Variants in FAM53B observed in about 807,000 individuals in gnomAD.
FAM53B encodes the protein protein FAM53B.
Under a neutral mutation model 32.7 loss-of-function variants are expected in FAM53B, and 12 were observed. The ratio of observed to expected loss-of-function variants is 0.37; its 90% CI spans 0.24 to 0.59. The LOEUF is 0.59. FAM53B is among the 20% of genes least tolerant of loss of function. The pLI is 0.72. For synonymous variants in FAM53B, 234 were observed against 228.7 expected (o/e 1.02, Z -0.21); for missense variants, 477 against 577.7 (o/e 0.83, Z 1.79).
intron 4 of FAM53B, among the ~76,000 whole-genome samples, chr10:124,670,933 G>A (rs1459782949): frequency 6.6e-6 from 1 of 152,182 alleles, no homozygotes; most frequent in Non-Finnish European, 1.5e-5. Context: ...CCAGGGCCTA[G>A]CTGAATGCCA....
At chr10:124,664,678 G>A (rs565511356) in intron 4 of FAM53B, among the ~76,000 whole-genome samples, 2 of 152,200 alleles carry the variant, frequency 1.3e-5, no homozygotes, top group South Asian at 2.1e-4. Context: ...CTCATGCTCA[G>A]TGGTTACCCC....
At chr10:124,716,233 C>T (rs946059317) in intron 1 of FAM53B, among the ~76,000 whole-genome samples, 9 of 152,144 alleles carry the variant, frequency 5.9e-5, no homozygotes, top group African/African-American at 1.9e-4. Context: ...AATCAAAGGC[C>T]ACCGAAGGCC....
intron 1 of FAM53B, among the ~76,000 whole-genome samples, chr10:124,716,843 C>T (rs1313909481): frequency 6.7e-6 from 1 of 150,206 alleles, no homozygotes; most frequent in Non-Finnish European, 1.5e-5. Context: ...GCCTTCTGCT[C>T]CAAACCGGGG....
chr10:124,653,443 G>A (rs1043335705), intron 4 of FAM53B, among the ~76,000 whole-genome samples: 2 of 152,216 alleles, frequency 1.3e-5, no homozygotes, highest in Non-Finnish European at 2.9e-5. Flanking sequence ...CCCAGGCACT[G>A]CCAGGGTCCC....
chr10:124,681,347 C>T (rs936651333), intron 4 of FAM53B, among the ~76,000 whole-genome samples: 22 of 152,298 alleles, frequency 1.4e-4, no homozygotes, highest in Non-Finnish European at 2.2e-4. Flanking sequence ...ACCAACACCC[C>T]GCCTCTCACC....
At chr10:124,694,607 C>T (rs1015818136) in intron 3 of FAM53B, among the ~76,000 whole-genome samples, 1 of 152,188 alleles carries the variant, frequency 6.6e-6, no homozygotes, top group African/African-American at 2.4e-5. Flanking sequence ...AGGGGCTGGG[C>T]ATGCCGGGGC....
At chr10:124,644,626 T>C (rs1480352984) in intron 4 of FAM53B, among the ~76,000 whole-genome samples, 1 of 152,106 alleles carries the variant, frequency 6.6e-6, no homozygotes, top group Admixed American at 6.5e-5. Flanking sequence ...ACTCAAAGGG[T>C]TTTGCCACTG....
intron 3 of FAM53B, among the ~76,000 whole-genome samples, chr10:124,691,594 T>A (rs1949832845): frequency 6.6e-6 from 1 of 152,212 alleles, no homozygotes; most frequent in African/African-American, 2.4e-5. Flanking sequence ...TTCTTACATA[T>A]GATGTGATTT....
chr10:124,708,391 A>G (rs1949975896), intron 1 of FAM53B, among the ~76,000 whole-genome samples: 1 of 152,232 alleles, frequency 6.6e-6, no homozygotes, highest in Non-Finnish European at 1.5e-5. Context: ...CAAAGTGCAA[A>G]AGCAGGGAAG....
In FAM53B at chr10:124,621,495, C is replaced by G. The variant is rs566215821; in HGVS notation, c.*1747G>C. On this transcript the variant is annotated 3_prime_UTR_variant, in exon 5 of 5. Transcript: ENST00000337318. The stretch of plus-strand genomic sequence containing the variant: ...CCCGGCTCTGGGACCTGCCCAGTGC[C>G]CGGCATACCCCATGTGTCAGCCACC... 1 of 152,324 alleles carries G rather than the reference C, an allele frequency of 6.6e-6. No homozygotes were observed. The highest frequency in any genetic ancestry group is 2.4e-5 in the African/African-American group (1 of 41,562). 9.4% of individuals were successfully genotyped at this position (152,324 alleles called of 1,614,324 possible).
chr10:124,736,273 T>C lies in FAM53B; in HGVS notation c.-175+7740A>G, dbSNP rs1950173710. Among the ~76,000 whole-genome samples, 3 of 152,262 alleles carry C rather than the reference T, an allele frequency of 2.0e-5. No homozygotes were observed. In the South Asian group the frequency reaches 6.2e-4, roughly 31 times the overall value. On this transcript the variant is annotated intron_variant, in intron 1 of 4. Coordinates refer to ENST00000337318, the MANE Select transcript of FAM53B (RefSeq NM_014661.4). ...AAGTAGGCAGTCTGTGCCCACTACC[T>C]TCCAGCCAGGAAACTGAATCGTTTG...
chr10:124,739,908 C>A (rs1033430888), intron 1 of FAM53B, among the ~76,000 whole-genome samples: 1 of 152,086 alleles, frequency 6.6e-6, no homozygotes, highest in Non-Finnish European at 1.5e-5. Context: ...GCTTTCAGAT[C>A]CACCCATCAG....
chr10:124,706,779 T>G lies in FAM53B; in HGVS notation c.-66A>C. 1 of 1,610,864 alleles carries G rather than the reference T, an allele frequency of 6.2e-7. No individual in the cohort carries two copies. The highest frequency in any genetic ancestry group is 1.1e-5 in the South Asian group (1 of 91,008). Reference sequence around the variant, plus strand: ...ATCAGCCATCTTCACTTGGGCAGACTTGGGGTGAGTACCTCCTGGGGAATT... The same window carrying G: ...ATCAGCCATCTTCACTTGGGCAGACGTGGGGTGAGTACCTCCTGGGGAATT... On this transcript the variant is annotated 5_prime_UTR_variant, in exon 2 of 5. Transcript: ENST00000337318.
chr10:124,744,074 C>T lies in FAM53B; in HGVS notation c.-236G>A, dbSNP rs1318766392. 6.8e-6 allele frequency: 1 copy of T among 147,272 alleles called. No homozygotes were observed. Among genetic ancestry groups the T allele is most frequent in the Admixed American group, 6.7e-5 (1 of 14,826 alleles). 9.1% of individuals were successfully genotyped at this position (147,272 alleles called of 1,614,324 possible). A position where few individuals can be genotyped will look rare whatever the true frequency, so the allele number is the denominator to read the frequency against. On this transcript the variant is annotated 5_prime_UTR_variant, in exon 1 of 5. Coordinates refer to ENST00000337318, the MANE Select transcript of FAM53B (RefSeq NM_014661.4). ...CCGTCACCGCCAGCGCTCGCCAAGT[C>T]GTCCGGGGTGCCCGCCGCGCGTCCG...
In FAM53B at chr10:124,706,639, T is replaced by C; in HGVS notation, c.75A>G (p.Glu25=). ...DSIACGTFSR[E]LHTPKKMSQG... is the part of the protein sequence containing the mutation. The stretch of plus-strand genomic sequence containing the variant: ...AGGAAGCCTGCCAGGTCCTCACCAG[T>C]TCACGGCTGAAGGTCCCACATGCAA... The change falls in exon 2 of 5, where the codon GAA becomes GAG. Residue 25 remains glutamate, a synonymous_variant. Coordinates refer to ENST00000337318, the MANE Select transcript of FAM53B (RefSeq NM_014661.4). 2 of 1,614,210 alleles carry C rather than the reference T, an allele frequency of 1.2e-6. No individual in the cohort carries two copies. The highest frequency in any genetic ancestry group is 1.7e-6 in the Non-Finnish European group (2 of 1,180,038).
intron 4 of FAM53B, among the ~76,000 whole-genome samples, chr10:124,681,157 G>T (rs1046566202): frequency 6.6e-6 from 1 of 152,136 alleles, no homozygotes; most frequent in Non-Finnish European, 1.5e-5. Flanking sequence ...CCCCCCAATC[G>T]CTAGCTCTTG....
At chr10:124,734,740 C>T (rs1469361655) in intron 1 of FAM53B, among the ~76,000 whole-genome samples, 1 of 152,170 alleles carries the variant, frequency 6.6e-6, no homozygotes, top group Non-Finnish European at 1.5e-5. Context: ...CAAAGCTACC[C>T]AAAGTGCAGC....
intron 4 of FAM53B, among the ~76,000 whole-genome samples, chr10:124,625,255 C>T (rs962943503): frequency 3.9e-5 from 6 of 152,166 alleles, no homozygotes; most frequent in African/African-American, 4.8e-5. Flanking sequence ...CCTGAACACT[C>T]GGTGGAGGAA....
intron 4 of FAM53B, chr10:124,624,037 C>CA (rs1381600290): frequency 1.2e-5 from 2 of 167,560 alleles, no homozygotes; most frequent in Non-Finnish European, 2.6e-5. Context: ...AATTTGGCAA[C>CA]ATACCGTTAA....
Sources: gnomAD v4.1 joint callset for allele counts (sites outside exome capture counted in the v4.1 genomes callset) on GRCh38, gnomAD v4.1.1 for gene constraint, MANE v1.5 for transcripts, NCBI Gene and HGNC (gene_info 2026-07-23, HGNC 2026-07-21) for gene names.